The following CTNS variants were observed in gnomAD, a reference collection of about 807,000 sequenced individuals.
CTNS encodes the protein cystinosin.
CTNS carries 27 observed loss-of-function variants against 43.7 expected under a neutral mutation model. The observed-to-expected ratio is 0.62, with a 90% confidence interval of 0.46 to 0.85. The LOEUF is 0.85. Among genes scored for constraint, CTNS ranks in the 40% least tolerant of loss-of-function variants. CTNS has a pLI of 0.00. For missense variants in CTNS, 457 were observed against 475.4 expected (o/e 0.96, Z 0.36); for synonymous variants, 187 against 190.6 (o/e 0.98, Z 0.16).
At chr17:3,639,741 CAGCCCTT>C (rs2075638838) in intron 2 of CTNS, among the ~76,000 whole-genome samples, 1 of 151,816 alleles carries the variant, frequency 6.6e-6, no homozygotes, top group Non-Finnish European at 1.5e-5. Flanking sequence ...TTGGTGTCAT[CAGCCCTT>C]AGACTCTTAT....
intron 3 of CTNS, 81 bp downstream of exon 3, chr17:3,640,348 C>A: frequency 7.0e-7 from 1 of 1,431,522 alleles, no homozygotes; most frequent in South Asian, 1.2e-5. Context: ...TGTTTGTTGC[C>A]AAGGGTTTAG....
chr17:3,648,860 GC>G lies in CTNS; in HGVS notation c.155del (p.Ala52GlufsTer4). The G allele has an allele frequency of 1.9e-6, 3 of 1,613,780 alleles. No homozygotes were observed. Among genetic ancestry groups the G allele is most frequent in the South Asian group, 2.2e-5 (2 of 91,080 alleles). ...TGTCCTCCACAGGCCACCATTAAAT[GC>G]AACCCTGGTGATCACTTTTGAAATC... is the stretch of plus-strand genomic sequence containing the variant. Reference protein sequence around the residue: ...VSLTLRPPLNATLVITFEITF... With the variant: ...VSLTLRPPLNXTLVITFEITF... On this transcript the variant is annotated frameshift_variant, in exon 5 of 12. Coordinates refer to ENST00000046640, the MANE Select transcript of CTNS (RefSeq NM_004937.3). LOFTEE classifies it high-confidence loss of function.
Position 3,662,284 on chromosome 17 carries a change from C to A in CTNS, c.*1915C>A, listed in dbSNP as rs888497801. ...GAAGATCACGCCATTGCACTCCAGCCTGGGCAACAAGAACGAAACTCCATC... is the reference window on the plus strand; with the variant it reads ...GAAGATCACGCCATTGCACTCCAGCATGGGCAACAAGAACGAAACTCCATC... On this transcript the variant is annotated 3_prime_UTR_variant, in exon 12 of 12. Coordinates refer to ENST00000046640, the MANE Select transcript of CTNS (RefSeq NM_004937.3). Among the ~76,000 whole-genome samples, 4 of 150,898 alleles carry A rather than the reference C, an allele frequency of 2.7e-5. No homozygotes were observed. Among genetic ancestry groups the A allele is most frequent in the African/African-American group, 9.8e-5 (4 of 40,916 alleles).
At chr17:3,644,432 T>G (rs1258558219) in intron 3 of CTNS, among the ~76,000 whole-genome samples, 2 of 152,190 alleles carry the variant, frequency 1.3e-5, no homozygotes, top group Admixed American at 6.6e-5. Flanking sequence ...GTCTGGTTCT[T>G]GGAGTGTTCA....
chr17:3,660,112 A>G, intron 11 of CTNS, 124 bp from the exon 12 acceptor site: 2 of 1,462,336 alleles, frequency 1.4e-6, no homozygotes, highest in Admixed American at 1.7e-5. Flanking sequence ...AGACCCACCT[A>G]GGGGCCTTCG....
chr17:3,659,833 C>T, intron 10 of CTNS, 25 bp from the exon 11 acceptor site: 1 of 1,580,196 alleles, frequency 6.3e-7, no homozygotes, highest in African/African-American at 1.3e-5. Flanking sequence ...CGCCCTCCGT[C>T]TGTCTGTCCG....
In CTNS at chr17:3,654,984, A is replaced by C. The variant is rs1194918759; in HGVS notation, c.226-14A>C. ...TGTACGTGGCATCGGATTGAACCTC[A>C]GTCTTCCTAACAGGTTGTGGTGCCT... On this transcript the variant is annotated splice_polypyrimidine_tract_variant and intron_variant, in intron 5 of 11. Coordinates refer to ENST00000046640, the MANE Select transcript of CTNS (RefSeq NM_004937.3). 1.3e-6 allele frequency: 2 copies of C among 1,592,616 alleles called. No homozygotes were observed. Among genetic ancestry groups the C allele is most frequent in the South Asian group, 1.1e-5 (1 of 90,690 alleles).
chr17:3,646,317 G>A (rs2075842817), intron 3 of CTNS, among the ~76,000 whole-genome samples: 1 of 145,752 alleles, frequency 6.9e-6, no homozygotes, highest in South Asian at 2.2e-4. Flanking sequence ...TTGAGATGGA[G>A]TCTCGCTCTG....
Position 3,651,427 on chromosome 17 carries a change from A to G in CTNS, c.225+2496A>G, listed in dbSNP as rs75060970. Among the ~76,000 whole-genome samples the G allele has an allele frequency of 1.4e-3, 217 of 152,246 alleles. 1 individual carries two copies. Among genetic ancestry groups the G allele is most frequent in the African/African-American group, 5.0e-3 (209 of 41,570 alleles). ...TTTTTAAAATCAAAAAAGATACCAAACAAGCCTTGGCTGTAGGAGTCCTTG... is the reference window on the plus strand; with the variant it reads ...TTTTTAAAATCAAAAAAGATACCAAGCAAGCCTTGGCTGTAGGAGTCCTTG... On this transcript the variant is annotated intron_variant, in intron 5 of 11. Transcript: ENST00000046640.
chr17:3,654,233 A>G (rs1240393240), intron 5 of CTNS, among the ~76,000 whole-genome samples: 1 of 152,086 alleles, frequency 6.6e-6, no homozygotes, highest in South Asian at 2.1e-4. Flanking sequence ...ACTTTTGTTA[A>G]CTCGTTTTAC....
At position 3,660,968 on chromosome 17, in the gene CTNS, T is replaced by C. The variant is rs1389727221; in HGVS notation, c.*599T>C. On this transcript the variant is annotated 3_prime_UTR_variant, in exon 12 of 12. Transcript: ENST00000046640. ...CCCTACCCAGAGTATTTCTGAGCCA[T>C]GAGGGGCCCACCAGATTGGTTCTGA... 1.3e-5 allele frequency: 8 copies of C among 615,560 alleles called. No individual in the cohort carries two copies. In the Middle Eastern group the frequency reaches 1.3e-3, roughly 103 times the overall value. The allele number at this position is 615,560 out of a possible 1,614,324, so 38.1% of individuals were successfully genotyped here. A position where few individuals can be genotyped will look rare whatever the true frequency, so the allele number is the denominator to read the frequency against.
Position 3,660,734 on chromosome 17 carries a change from A to T in CTNS, c.*365A>T, listed in dbSNP as rs763049746. ...TTTCTGCAAGCAGCTTGAAGGGCTG[A>T]CCTTGCAGCCGGGTGAGCCAAGGGC... is the stretch of plus-strand genomic sequence containing the variant. On this transcript the variant is annotated 3_prime_UTR_variant, in exon 12 of 12. Coordinates refer to ENST00000046640, the MANE Select transcript of CTNS (RefSeq NM_004937.3). 6.2e-7 allele frequency: 1 copy of T among 1,613,426 alleles called. No homozygotes were observed. Among genetic ancestry groups the T allele is most frequent in the Non-Finnish European group, 8.5e-7 (1 of 1,180,030 alleles).
intron 3 of CTNS, among the ~76,000 whole-genome samples, chr17:3,641,117 A>G (rs1019523514): frequency 4.7e-4 from 71 of 151,940 alleles, no homozygotes; most frequent in African/African-American, 1.5e-3. Flanking sequence ...ACAGGGTGCA[A>G]CAGCCCAGCA....
intron 5 of CTNS, among the ~76,000 whole-genome samples, chr17:3,653,733 A>C (rs1222280887): frequency 6.6e-6 from 1 of 151,930 alleles, no homozygotes; most frequent in Non-Finnish European, 1.5e-5. Flanking sequence ...AAAATTAGCC[A>C]GACGTGGTGG....
Position 3,660,462 on chromosome 17 carries a change from C to T in CTNS, c.*93C>T. On this transcript the variant is annotated 3_prime_UTR_variant, in exon 12 of 12. Coordinates refer to ENST00000046640, the MANE Select transcript of CTNS (RefSeq NM_004937.3). ...GGCCGGAGAAGCGGTTGGGCCCTGGCACACAGGGCTGGCTCAGTGTGCGGA... is the reference window on the plus strand; with the variant it reads ...GGCCGGAGAAGCGGTTGGGCCCTGGTACACAGGGCTGGCTCAGTGTGCGGA... 1 of 1,613,194 alleles carries T rather than the reference C, an allele frequency of 6.2e-7. No individual in the cohort carries two copies. Among genetic ancestry groups the T allele is most frequent in the Non-Finnish European group, 8.5e-7 (1 of 1,180,006 alleles).
chr17:3,639,457 C>A (rs1042156816), intron 2 of CTNS, among the ~76,000 whole-genome samples: 3 of 152,038 alleles, frequency 2.0e-5, no homozygotes, highest in African/African-American at 7.2e-5. Flanking sequence ...CACTCGAGGT[C>A]AGGAGTTTGA....
At chr17:3,652,101 C>T (rs894349610) in intron 5 of CTNS, among the ~76,000 whole-genome samples, 14 of 152,176 alleles carry the variant, frequency 9.2e-5, no homozygotes, top group Non-Finnish European at 1.8e-4. Context: ...ACCCAACTCT[C>T]ACCACTCCCC....
chr17:3,646,577 A>G (rs113544297), intron 3 of CTNS, among the ~76,000 whole-genome samples: 7,790 of 152,040 alleles, frequency 0.051, 412 homozygotes, highest in African/African-American at 0.13. Context: ...ATGAGCCACC[A>G]CGCCTGCCCA....
chr17:3,661,834 G>A lies in CTNS; in HGVS notation c.*1465G>A, dbSNP rs374355263. Among the ~76,000 whole-genome samples, 5 of 152,318 alleles carry A rather than the reference G, an allele frequency of 3.3e-5. No individual in the cohort carries two copies. The highest frequency in any genetic ancestry group is 2.1e-4 in the South Asian group (1 of 4,824). On this transcript the variant is annotated 3_prime_UTR_variant, in exon 12 of 12. Coordinates refer to ENST00000046640, the MANE Select transcript of CTNS (RefSeq NM_004937.3). The stretch of plus-strand genomic sequence containing the variant: ...AGGGCACACCAGCACTGGGAGCGGG[G>A]GCAGTGGGGGTCTTATTCTCCAGAC...
Sources: gnomAD v4.1 joint callset for allele counts (sites outside exome capture counted in the v4.1 genomes callset) on GRCh38, gnomAD v4.1.1 for gene constraint, MANE v1.5 for transcripts, NCBI Gene and HGNC (gene_info 2026-07-23, HGNC 2026-07-21) for gene names.